Variants in SKIC3 observed in about 807,000 individuals in gnomAD.
SKIC3 encodes SKI3 subunit of superkiller complex.
the SKIC3 span, among the ~76,000 whole-genome samples, chr5:95,540,988 C>T: frequency 1.1e-4 from 17 of 151,930 alleles, no homozygotes; most frequent in African/African-American, 3.6e-4. Context: ...TTTTTTGAGA[C>T]GGAGTTTTGC....
the SKIC3 span, among the ~76,000 whole-genome samples, chr5:95,486,629 C>G: frequency 6.6e-6 from 1 of 152,196 alleles, no homozygotes; most frequent in African/African-American, 2.4e-5. Context: ...CCAAGCATAC[C>G]CTCCTGGGGC....
At chr5:95,522,042 A>C in the SKIC3 span, 4 of 1,613,214 alleles carry the variant, frequency 2.5e-6, no homozygotes, top group Non-Finnish European at 3.4e-6. Context: ...GGAGCTACTA[A>C]AAATAAATTA....
the SKIC3 span, among the ~76,000 whole-genome samples, chr5:95,507,575 A>G: frequency 2.0e-5 from 3 of 152,342 alleles, no homozygotes; most frequent in East Asian, 1.9e-4. Flanking sequence ...TAACGACTAA[A>G]AAGAGTTGGA....
chr5:95,543,329 T>C, the SKIC3 span: 1 of 1,613,800 alleles, frequency 6.2e-7, no homozygotes, highest in Non-Finnish European at 8.5e-7. Flanking sequence ...TAACACTGTC[T>C]GATTTAAAAA....
the SKIC3 span, chr5:95,540,836 AAAG>A: frequency 6.8e-6 from 11 of 1,613,532 alleles, no homozygotes; most frequent in South Asian, 1.1e-5. Context: ...GCCACCTATT[AAAG>A]AAGGAGATTT....
the SKIC3 span, chr5:95,554,890 C>T: frequency 1.4e-3 from 244 of 178,816 alleles, 3 homozygotes; most frequent in African/African-American, 5.6e-3. Context: ...CCATTTCAAT[C>T]GCCTTTAGGA....
the SKIC3 span, among the ~76,000 whole-genome samples, chr5:95,531,628 G>C: frequency 3.5e-4 from 54 of 152,260 alleles, no homozygotes; most frequent in African/African-American, 1.3e-3. Context: ...AACACAGTCT[G>C]CTGAGCCCTA....
At chr5:95,529,095 C>A in the SKIC3 span, 1 of 1,613,528 alleles carries the variant, frequency 6.2e-7, no homozygotes, top group Non-Finnish European at 8.5e-7. Context: ...CAGGGCTTTC[C>A]TTTAACCCTA....
the SKIC3 span, among the ~76,000 whole-genome samples, chr5:95,508,734 G>C: frequency 6.6e-6 from 1 of 152,158 alleles, no homozygotes; most frequent in Non-Finnish European, 1.5e-5. Context: ...CAGAACACAT[G>C]CTCCATGAGA....
chr5:95,513,562 G>C, the SKIC3 span: 3 of 1,612,202 alleles, frequency 1.9e-6, no homozygotes, highest in Non-Finnish European at 1.7e-6. Flanking sequence ...AGAATGTTCA[G>C]ATTCTTACAT....
chr5:95,498,404 C>T, the SKIC3 span: 1 of 1,614,188 alleles, frequency 6.2e-7, no homozygotes, highest in South Asian at 1.1e-5. Flanking sequence ...TTTTGCACAG[C>T]CACACTGCGG....
the SKIC3 span, chr5:95,464,676 C>T: frequency 2.5e-6 from 4 of 1,612,674 alleles, no homozygotes; most frequent in South Asian, 3.3e-5. Context: ...CATTGTTTAC[C>T]AGCACCTATG....
At chr5:95,497,509 A>C in the SKIC3 span, 279 of 1,602,914 alleles carry the variant, frequency 1.7e-4, no homozygotes, top group African/African-American at 3.2e-3. Context: ...CAAAAGTAGC[A>C]GGCTTAGGGA....
the SKIC3 span, chr5:95,512,618 T>C: frequency 1.9e-6 from 3 of 1,613,836 alleles, no homozygotes; most frequent in African/African-American, 4.0e-5. Context: ...GCTCCTTCAG[T>C]CTTTAAAAAA....
the SKIC3 span, among the ~76,000 whole-genome samples, chr5:95,519,127 T>C: frequency 6.6e-6 from 1 of 150,502 alleles, no homozygotes; most frequent in South Asian, 2.1e-4. Context: ...TCTGAAGAAC[T>C]ACATTTACCG....
At chr5:95,540,175 A>G in the SKIC3 span, among the ~76,000 whole-genome samples, 1 of 152,230 alleles carries the variant, frequency 6.6e-6, no homozygotes, top group African/African-American at 2.4e-5. Flanking sequence ...TTCTAAGTGA[A>G]GTAACTCAGG....
At chr5:95,532,823 C>T in the SKIC3 span, among the ~76,000 whole-genome samples, 461 of 152,074 alleles carry the variant, frequency 3.0e-3, 1 homozygote, top group African/African-American at 1.0e-2. Flanking sequence ...TGAAGAGGTC[C>T]GTGTTGGATG....
chr5:95,510,126 G>C, the SKIC3 span, among the ~76,000 whole-genome samples: 1 of 152,280 alleles, frequency 6.6e-6, no homozygotes, highest in Non-Finnish European at 1.5e-5. Flanking sequence ...ACTAGAAACA[G>C]AAGGTAAGTT....
chr5:95,483,916 A>G, the SKIC3 span, among the ~76,000 whole-genome samples: 2 of 152,198 alleles, frequency 1.3e-5, no homozygotes, highest in Non-Finnish European at 2.9e-5. Context: ...CAGTCATTCT[A>G]TGTGATCCAG....
Sources: allele counts gnomAD v4.1 joint callset (sites outside exome capture counted in the v4.1 genomes callset), GRCh38; gene constraint gnomAD v4.1.1; transcripts MANE v1.5; gene names NCBI Gene and HGNC (gene_info 2026-07-23, HGNC 2026-07-21).